The following C11orf54 variants were observed in gnomAD, a reference collection of about 807,000 sequenced individuals.
C11orf54 encodes beta-keto-L-gulonate decarboxylase.
In C11orf54, 29 loss-of-function variants were observed where a neutral mutation model predicts 35.5. The ratio of observed to expected loss-of-function variants is 0.82; its 90% CI spans 0.61 to 1.11. The LOEUF is 1.11. C11orf54 is among the 50% of genes most tolerant of loss of function. C11orf54 has a pLI of 0.00. For missense variants in C11orf54, 373 were observed against 369.2 expected (o/e 1.01, Z -0.08); for synonymous variants, 108 against 121.1 (o/e 0.89, Z 0.71).
chr11:93,753,391 AT>A (rs1249227088), intron 3 of C11orf54, among the ~76,000 whole-genome samples: 1 of 152,220 alleles, frequency 6.6e-6, no homozygotes, highest in African/African-American at 2.4e-5. Context: ...CGTCAAAGAC[AT>A]TCTAGAAACC....
At chr11:93,754,144 C>A in intron 5 of C11orf54, 107 bp downstream of exon 5, 2 of 940,352 alleles carry the variant, frequency 2.1e-6, no homozygotes, top group South Asian at 3.0e-5. Context: ...GTAAATCTCT[C>A]TGCAGGTTTG....
intron 2 of C11orf54, among the ~76,000 whole-genome samples, chr11:93,748,153 A>T (rs1942584928): frequency 6.6e-6 from 1 of 152,130 alleles, no homozygotes; most frequent in Non-Finnish European, 1.5e-5. Flanking sequence ...GAAGTTAAGA[A>T]ATAGACTCAT....
Position 93,761,717 on chromosome 11 carries a change from A to G in C11orf54, c.*29A>G. 1 of 1,543,882 alleles carries G rather than the reference A, an allele frequency of 6.5e-7. No homozygotes were observed. Among genetic ancestry groups the G allele is most frequent in the African/African-American group, 1.4e-5 (1 of 71,988 alleles). ...AGCTGATACTTATTTAGAAAAAGAA[A>G]TAATTAAGGTTAATTAATTGATTGA... On this transcript the variant is annotated 3_prime_UTR_variant, in exon 9 of 9. Transcript: ENST00000354421.
At chr11:93,748,627 G>A (rs1942616669) in intron 2 of C11orf54, among the ~76,000 whole-genome samples, 1 of 152,120 alleles carries the variant, frequency 6.6e-6, no homozygotes, top group Non-Finnish European at 1.5e-5. Flanking sequence ...CTTGAGGTCA[G>A]GAGTTCAAGA....
At chr11:93,741,821 T>C in intron 1 of C11orf54, 93 bp downstream of exon 1, 1 of 219,134 alleles carries the variant, frequency 4.6e-6, no homozygotes, top group South Asian at 4.9e-5. Context: ...AAACAGCCTC[T>C]CAGCCCGGTT....
chr11:93,743,465 G>A (rs1942268236), intron 1 of C11orf54, among the ~76,000 whole-genome samples: 1 of 152,192 alleles, frequency 6.6e-6, no homozygotes, highest in Non-Finnish European at 1.5e-5. Flanking sequence ...GGGAGGGGGG[G>A]CGCGAGTGAA....
intron 6 of C11orf54, among the ~76,000 whole-genome samples, chr11:93,755,657 G>A (rs1943095735): frequency 6.6e-6 from 1 of 150,910 alleles, no homozygotes; most frequent in African/African-American, 2.4e-5. Context: ...GGGGGCTGAG[G>A]TGAGAGAATC....
At position 93,747,448 on chromosome 11, in the gene C11orf54, G is replaced by A; in HGVS notation, c.55G>A (p.Val19Ile). The A allele has an allele frequency of 6.3e-7, 1 of 1,582,094 alleles. No individual in the cohort carries two copies. Among genetic ancestry groups the A allele is most frequent in the Non-Finnish European group, 8.6e-7 (1 of 1,168,172 alleles). Residue 19 changes from valine (V) to isoleucine (I), a missense_variant and splice_region_variant, in exon 2 of 9, where the codon GTT (valine) becomes ATT (isoleucine). Physicochemically the swap from Val to Ile is conservative, Grantham distance 29. Transcript: ENST00000354421. ...HVPSLEELAGVMQKGLKDNFA... is the reference protein window; with the variant it reads ...HVPSLEELAGIMQKGLKDNFA... ...ACCAAGTCTTGAAGAGCTTGCTGGAGGTAAAAACAATATTAACTTTGGATT... is the reference window on the plus strand; with the variant it reads ...ACCAAGTCTTGAAGAGCTTGCTGGAAGTAAAAACAATATTAACTTTGGATT...
At chr11:93,754,152 T>C in intron 5 of C11orf54, 115 bp downstream of exon 5, 1 of 798,408 alleles carries the variant, frequency 1.3e-6, no homozygotes. Context: ...CTCTGCAGGT[T>C]TGATACTACT....
At chr11:93,760,745 G>A (rs659877) in intron 8 of C11orf54, among the ~76,000 whole-genome samples, 79,752 of 151,756 alleles carry the variant, frequency 0.53, 23,380 homozygotes, top group Admixed American at 0.67. Context: ...TGCAACCTCC[G>A]CCTCTTGGGT....
At chr11:93,743,445 A>G (rs918446107) in intron 1 of C11orf54, among the ~76,000 whole-genome samples, 3 of 152,134 alleles carry the variant, frequency 2.0e-5, no homozygotes, top group Admixed American at 6.5e-5. Context: ...CACGGCTCTC[A>G]ACTCCTCGCG....
chr11:93,757,382 C>G lies in C11orf54; in HGVS notation c.574C>G (p.Leu192Val), dbSNP rs1441054481. Residue 192 changes from leucine to valine, a missense_variant, in exon 7 of 9, where the codon CTG becomes GTG. Physicochemically the swap from Leu to Val is conservative, Grantham distance 32 (BLOSUM62 1). Coordinates refer to ENST00000354421, the MANE Select transcript of C11orf54 (RefSeq NM_001286069.2). ...LNFVTCMRETLEKHYGNKPIG... is the reference protein window; with the variant it reads ...LNFVTCMRETVEKHYGNKPIG... ...CTTTGTGACTTGTATGAGAGAGACC[C>G]TGGAAAAACATTATGGAAATAAGCC... 3 of 1,598,060 alleles carry G rather than the reference C, an allele frequency of 1.9e-6. No individual in the cohort carries two copies. In the East Asian group the frequency reaches 6.7e-5, roughly 36 times the overall value.
chr11:93,759,742 C>T lies in C11orf54; in HGVS notation c.658C>T (p.Pro220Ser), dbSNP rs1216027989. The T allele has an allele frequency of 5.7e-6, 9 of 1,565,722 alleles. No individual in the cohort carries two copies. Among genetic ancestry groups the T allele is most frequent in the Non-Finnish European group, 7.9e-6 (9 of 1,143,910 alleles). The stretch of plus-strand genomic sequence containing the variant: ...CCTATGTAATTATCTTTTGTTGTAG[C>T]CTGCAGAATTTTCTTCCTGCCCCTT... ...QKGKVKSHIM[P>S]AEFSSCPLNS... is the part of the protein sequence containing the mutation. Residue 220 changes from proline (P) to serine (S), a missense_variant and splice_region_variant, in exon 8 of 9, where the codon CCT becomes TCT. Pro to Ser is a moderately conservative substitution (Grantham distance 74, BLOSUM62 -1). Transcript: ENST00000354421.
chr11:93,754,720 A>G (rs1591355125), intron 5 of C11orf54, among the ~76,000 whole-genome samples: 1 of 146,768 alleles, frequency 6.8e-6, no homozygotes. Context: ...AAGAAATCCA[A>G]TAAATATCTT....
At chr11:93,756,257 G>A (rs1459975437) in intron 6 of C11orf54, among the ~76,000 whole-genome samples, 1 of 147,428 alleles carries the variant, frequency 6.8e-6, no homozygotes, top group Non-Finnish European at 1.5e-5. Context: ...AAAGCTGGAG[G>A]ATCACTTAAG....
intron 1 of C11orf54, chr11:93,746,186 T>C (rs1942462322): frequency 6.6e-6 from 1 of 152,206 alleles, no homozygotes; most frequent in South Asian, 2.1e-4. Context: ...CCTGTGAATC[T>C]TTGGAAAATT....
chr11:93,745,264 T>G (rs1334299471), intron 1 of C11orf54, among the ~76,000 whole-genome samples: 2 of 152,138 alleles, frequency 1.3e-5, no homozygotes, highest in Non-Finnish European at 2.9e-5. Context: ...GACGGTTAGG[T>G]CTTTCCCTTC....
chr11:93,748,460 T>C lies in C11orf54; in HGVS notation c.55+1012T>C, dbSNP rs939579808. Among the ~76,000 whole-genome samples the C allele has an allele frequency of 2.0e-5, 3 of 152,228 alleles. No homozygotes were observed. In the South Asian group the frequency reaches 6.2e-4, roughly 31 times the overall value. ...ACCATGCTTGGCCAGATTTTTTCTTTGATTGCTTTTCTAGAATCTGTTTTC... is the reference window on the plus strand; with the variant it reads ...ACCATGCTTGGCCAGATTTTTTCTTCGATTGCTTTTCTAGAATCTGTTTTC... On this transcript the variant is annotated intron_variant, in intron 2 of 8. Transcript: ENST00000354421.
chr11:93,754,025 G>A lies in C11orf54; in HGVS notation c.318G>A (p.Gly106=), dbSNP rs1447389369. 3 of 1,613,578 alleles carry A rather than the reference G, an allele frequency of 1.9e-6. No individual in the cohort carries two copies. The South Asian group carries it at 3.3e-5, about 18-fold the overall frequency. ...GAGCAGGTCCATTTCAGACTCTCGG[G>A]TTCAATTCTGAGGTCAGCATATATA... ...GAGAGPFQTL[G]FNSEFMPVIQ... The change falls in exon 5 of 9, where the codon GGG becomes GGA. Residue 106 remains glycine (G), a synonymous_variant. Transcript: ENST00000354421.
Sources: gnomAD v4.1 joint callset for allele counts (sites outside exome capture counted in the v4.1 genomes callset) on GRCh38, gnomAD v4.1.1 for gene constraint, MANE v1.5 for transcripts, NCBI Gene and HGNC (gene_info 2026-07-23, HGNC 2026-07-21) for gene names.